Variants in DGKE observed in about 807,000 individuals in gnomAD.
DGKE encodes diacylglycerol kinase epsilon.
A neutral mutation model predicts 70.0 loss-of-function variants in DGKE; 53 were observed. That is an observed-to-expected ratio of 0.76 (90% confidence interval 0.61 to 0.95). The LOEUF (loss-of-function observed/expected upper bound fraction) is 0.95, where lower values mean the gene tolerates loss of function less well. DGKE is among the 40% of genes least tolerant of loss of function. The pLI, the probability that DGKE is intolerant of heterozygous loss-of-function variation, is 0.00. For missense variants in DGKE, 655 were observed against 706.9 expected (o/e 0.93, Z 0.83); for synonymous variants, 291 against 257.0 (o/e 1.13, Z -1.27).
chr17:56,855,114 G>GA lies in DGKE; in HGVS notation c.1099-1388dup, dbSNP rs574695123. On this transcript the variant is annotated intron_variant, in intron 7 of 11. Coordinates refer to ENST00000284061, the MANE Select transcript of DGKE (RefSeq NM_003647.3). ...TGAATAAAGGACACCTAGGAAACTA[G>GA]AAAAAAAAAATTCAGTTAAAAAATA... Among the ~76,000 whole-genome samples the GA allele has an allele frequency of 4.3e-4, 61 of 142,568 alleles. 1 individual carries two copies. Among genetic ancestry groups the GA allele is most frequent in the East Asian group, 1.8e-3 (9 of 4,898 alleles). The allele number at this position is 142,568 out of a possible 152,430, so 93.5% of individuals were successfully genotyped here.
At chr17:56,835,586 C>T (rs1010798728) in intron 2 of DGKE, 5 of 401,704 alleles carry the variant, frequency 1.2e-5, no homozygotes, top group African/African-American at 2.1e-5. Flanking sequence ...TCGATTATCT[C>T]CTTATTTTAA....
chr17:56,858,086 A>G (rs1056256522), intron 8 of DGKE, among the ~76,000 whole-genome samples: 1 of 151,368 alleles, frequency 6.6e-6, no homozygotes, highest in South Asian at 2.1e-4. Flanking sequence ...AAAAAAAAAA[A>G]AAAGAAAAAG....
chr17:56,843,659 G>A (rs1282674800), intron 2 of DGKE, among the ~76,000 whole-genome samples: 6 of 151,898 alleles, frequency 4.0e-5, no homozygotes, highest in South Asian at 4.1e-4. Flanking sequence ...TTACCCAGGC[G>A]GTAGTAGCAC....
intron 8 of DGKE, 139 bp downstream of exon 8, chr17:56,856,764 G>A (rs1474009254): frequency 1.2e-5 from 13 of 1,081,658 alleles, no homozygotes; most frequent in Admixed American, 1.0e-4. Context: ...GTGTAGGGTT[G>A]TCAAATTAGA....
At chr17:56,860,252 G>C (rs1908212771) in intron 9 of DGKE, among the ~76,000 whole-genome samples, 2 of 152,150 alleles carry the variant, frequency 1.3e-5, no homozygotes, top group African/African-American at 4.8e-5. Context: ...AGATATTTAA[G>C]CCAGTCTGGG....
rs1167165089 is a variant in DGKE, at chr17:56,845,742, C to T, written c.677C>T (p.Ser226Phe). 1 of 1,612,498 alleles carries T rather than the reference C, an allele frequency of 6.2e-7. No homozygotes were observed. Among genetic ancestry groups the T allele is most frequent in the Admixed American group, 1.7e-5 (1 of 59,882 alleles). ...ACCCCATTAATAATCCTGGCCAACT[C>T]TCGTAGTGGAACTAATATGGGAGAA... ...QWTPLIILANSRSGTNMGEGL... is the reference protein window; with the variant it reads ...QWTPLIILANFRSGTNMGEGL... The change falls in exon 4 of 12, where the codon TCT becomes TTT. Residue 226 changes from serine (S) to phenylalanine (F), a missense_variant. Ser to Phe is a radical substitution (Grantham distance 155). Transcript: ENST00000284061.
intron 9 of DGKE, among the ~76,000 whole-genome samples, chr17:56,861,005 G>C (rs79203747): frequency 6.6e-6 from 1 of 152,162 alleles, no homozygotes; most frequent in Non-Finnish European, 1.5e-5. Context: ...TTTAAGTGTC[G>C]ATCCAACCGC....
chr17:56,858,563 T>G lies in DGKE; in HGVS notation c.1213-31T>G, dbSNP rs1330250545. On this transcript the variant is annotated intron_variant, in intron 8 of 11. Coordinates refer to ENST00000284061, the MANE Select transcript of DGKE (RefSeq NM_003647.3). Reference sequence around the variant, plus strand: ...TATTGTTTACAGGGTTAGATTGTTTTAATATTATATTTTCTGTCCATTTTT... The same window carrying G: ...TATTGTTTACAGGGTTAGATTGTTTGAATATTATATTTTCTGTCCATTTTT... 3 of 1,549,632 alleles carry G rather than the reference T, an allele frequency of 1.9e-6. No individual in the cohort carries two copies. The African/African-American group carries it at 4.2e-5, about 21-fold the overall frequency.
At chr17:56,859,586 AT>A (rs1253230189) in intron 9 of DGKE, among the ~76,000 whole-genome samples, 1 of 151,500 alleles carries the variant, frequency 6.6e-6, no homozygotes, top group Non-Finnish European at 1.5e-5. Flanking sequence ...CGCCCGGCTA[AT>A]TTTTTGTATT....
intron 2 of DGKE, among the ~76,000 whole-genome samples, chr17:56,840,976 A>G (rs1906944592): frequency 6.6e-6 from 1 of 152,012 alleles, no homozygotes; most frequent in South Asian, 2.1e-4. Flanking sequence ...ATTTTTGGCC[A>G]GACTCGGTGG....
rs2230873 is a variant in DGKE at position 56,862,167 on chromosome 17, T to C, written c.1440T>C (p.Val480=). Residue 480 remains valine (V), a synonymous_variant, in exon 11 of 12, where the codon GTT becomes GTC. Coordinates refer to ENST00000284061, the MANE Select transcript of DGKE (RefSeq NM_003647.3). ...ATGACGATGGTCTGCTGGAAGTCGT[T>C]GGAGTATATGGGTCTTTCCACTGTG... ...ARHDDGLLEV[V]GVYGSFHCAQ... 1,022 of 1,614,186 alleles carry C rather than the reference T, an allele frequency of 6.3e-4. 12 individuals carry two copies. In the African/African-American group the frequency reaches 0.012, roughly 19 times the overall value.
intron 2 of DGKE, among the ~76,000 whole-genome samples, chr17:56,840,790 A>AG (rs948803101): frequency 1.3e-4 from 19 of 151,812 alleles, no homozygotes; most frequent in South Asian, 8.4e-4. Context: ...CTGAACTGGG[A>AG]GGGGGGGGAA....
chr17:56,856,488 G>T (rs1907956001), intron 7 of DGKE, 24 bp from the exon 8 acceptor site: 5 of 1,604,248 alleles, frequency 3.1e-6, no homozygotes, highest in South Asian at 1.1e-5. Context: ...ATAGTCTGTT[G>T]CTTATTCTTA....
chr17:56,866,523 C>T lies in DGKE; in HGVS notation c.*3732C>T, dbSNP rs1253280261. The stretch of plus-strand genomic sequence containing the variant: ...CTCCGCTGTCCTCTTCCCTCAAAAT[C>T]ACTTTTCTAAAAGAACTCTATGAAA... On this transcript the variant is annotated 3_prime_UTR_variant, in exon 12 of 12. Transcript: ENST00000284061. The T allele has an allele frequency of 6.6e-6, 1 of 152,236 alleles. No homozygotes were observed. Among genetic ancestry groups the T allele is most frequent in the African/African-American group, 2.4e-5 (1 of 41,466 alleles). 9.4% of individuals were successfully genotyped at this position (152,236 alleles called of 1,614,324 possible). A position where few individuals can be genotyped will look rare whatever the true frequency, so the allele number is the denominator to read the frequency against.
At chr17:56,859,281 C>T (rs1908140962) in intron 9 of DGKE, among the ~76,000 whole-genome samples, 2 of 150,868 alleles carry the variant, frequency 1.3e-5, no homozygotes, top group African/African-American at 4.9e-5. Flanking sequence ...GCCAAGATCG[C>T]GACGCTGCAT....
chr17:56,835,043 A>G lies in DGKE; in HGVS notation c.248A>G (p.Gln83Arg). 1 of 1,613,034 alleles carries G rather than the reference A, an allele frequency of 6.2e-7. No individual in the cohort carries two copies. The highest frequency in any genetic ancestry group is 1.1e-5 in the South Asian group (1 of 91,080). Reference sequence around the variant, plus strand: ...TGCGTGTGCGCGCAGCACATTCTGCAGGGCGCCTTCTGCGACTGCTGCGGG... The same window carrying G: ...TGCGTGTGCGCGCAGCACATTCTGCGGGGCGCCTTCTGCGACTGCTGCGGG... Reference protein sequence around the residue: ...YCCVCAQHILQGAFCDCCGLR... With the variant: ...YCCVCAQHILRGAFCDCCGLR... The change falls in exon 2 of 12, where the codon CAG (glutamine) becomes CGG (arginine). Residue 83 changes from glutamine to arginine, a missense_variant. Physicochemically the swap from Gln to Arg is conservative, Grantham distance 43. Coordinates refer to ENST00000284061, the MANE Select transcript of DGKE (RefSeq NM_003647.3).
chr17:56,845,213 C>G (rs750072105), intron 3 of DGKE, among the ~76,000 whole-genome samples: 28 of 152,066 alleles, frequency 1.8e-4, no homozygotes, highest in Admixed American at 8.5e-4. Context: ...ATTTTTTAAT[C>G]TGAGTACCCC....
rs1267503868 is a variant in DGKE, at chr17:56,844,132, C to T, written c.578C>T (p.Thr193Ile). ...CTAATCATTCCACCAAGTTATTTAACATCCATTAATCAGATGCGTAAAGAC... is the reference window on the plus strand; with the variant it reads ...CTAATCATTCCACCAAGTTATTTAATATCCATTAATCAGATGCGTAAAGAC... ...KNLIIPPSYL[T>I]SINQMRKDKK... Residue 193 changes from threonine to isoleucine, a missense_variant, in exon 3 of 12, where the codon ACA becomes ATA. Coordinates refer to ENST00000284061, the MANE Select transcript of DGKE (RefSeq NM_003647.3). 1 of 1,576,732 alleles carries T rather than the reference C, an allele frequency of 6.3e-7. No homozygotes were observed. The highest frequency in any genetic ancestry group is 8.6e-7 in the Non-Finnish European group (1 of 1,166,016).
chr17:56,846,553 T>C (rs1164117211), intron 4 of DGKE, among the ~76,000 whole-genome samples: 2 of 152,194 alleles, frequency 1.3e-5, no homozygotes, highest in Admixed American at 6.5e-5. Flanking sequence ...GTGAATCTTA[T>C]ATGTAAATTA....
Sources: gnomAD v4.1 joint callset for allele counts (sites outside exome capture counted in the v4.1 genomes callset) on GRCh38, gnomAD v4.1.1 for gene constraint, MANE v1.5 for transcripts, NCBI Gene and HGNC (gene_info 2026-07-23, HGNC 2026-07-21) for gene names.